The following NBEA variants were observed in gnomAD, a reference collection of about 807,000 sequenced individuals.
NBEA encodes lysosomal-trafficking regulator 2.
In NBEA, 44 loss-of-function variants were observed where a neutral mutation model predicts 343.4. The ratio of observed to expected loss-of-function variants is 0.13; its 90% CI spans 0.10 to 0.16. NBEA has a LOEUF of 0.16. Among genes scored for constraint, NBEA ranks in the 10% least tolerant of loss-of-function variants. NBEA has a pLI of 1.00. For missense variants in NBEA, 2,555 were observed against 3,631.3 expected, an observed-to-expected ratio of 0.70 and a Z score of 7.62; for synonymous variants, 1,175 against 1,238.7, an observed-to-expected ratio of 0.95 and a Z score of 1.08.
chr13:35,438,506 T>C (rs2045560631), intron 39 of NBEA, among the ~76,000 whole-genome samples: 1 of 152,230 alleles, frequency 6.6e-6, no homozygotes, highest in Non-Finnish European at 1.5e-5. Flanking sequence ...GAGAGATGAC[T>C]TGATTTTGTA....
intron 35 of NBEA, among the ~76,000 whole-genome samples, chr13:35,305,743 T>G (rs1222138749): frequency 6.6e-6 from 1 of 152,198 alleles, no homozygotes; most frequent in Non-Finnish European, 1.5e-5. Flanking sequence ...TTTAAGCCCC[T>G]GAGATTCGGG....
chr13:35,527,896 C>G (rs1189211881), intron 41 of NBEA, among the ~76,000 whole-genome samples: 4 of 152,206 alleles, frequency 2.6e-5, no homozygotes, highest in Non-Finnish European at 5.9e-5. Context: ...AGCAGCTGTT[C>G]TAGTCAGGCT....
At chr13:35,524,748 A>G (rs765451881) in intron 41 of NBEA, among the ~76,000 whole-genome samples, 5 of 152,238 alleles carry the variant, frequency 3.3e-5, no homozygotes, top group Non-Finnish European at 5.9e-5. Flanking sequence ...TTACTGATTT[A>G]TGTATCATAG....
intron 30 of NBEA, among the ~76,000 whole-genome samples, chr13:35,190,418 G>A (rs2072097051): frequency 6.6e-6 from 1 of 152,076 alleles, no homozygotes; most frequent in South Asian, 2.1e-4. Context: ...AGGAAGCGCA[G>A]GCTAAGAGAG....
In NBEA at chr13:35,641,665, A is replaced by C. The variant is rs1593446563; in HGVS notation, c.7618-4204A>C. On this transcript the variant is annotated intron_variant, in intron 49 of 58. Transcript: ENST00000379939. ...GAATAATTATTAGCTTGACAGGGTGATGGGGCTAGATAGGGGGAATAATTG... is the reference window on the plus strand; with the variant it reads ...GAATAATTATTAGCTTGACAGGGTGCTGGGGCTAGATAGGGGGAATAATTG... 2.0e-5 allele frequency among the ~76,000 whole-genome samples: 3 copies of C among 152,206 alleles called. No individual in the cohort carries two copies. In the South Asian group the frequency reaches 6.2e-4, roughly 32 times the overall value.
At chr13:35,495,629 A>G (rs938146065) in intron 41 of NBEA, among the ~76,000 whole-genome samples, 2 of 152,006 alleles carry the variant, frequency 1.3e-5, no homozygotes, top group Non-Finnish European at 2.9e-5. Flanking sequence ...GCACATCTGT[A>G]AATAGAAGAC....
intron 47 of NBEA, among the ~76,000 whole-genome samples, chr13:35,601,181 A>G (rs1436065592): frequency 4.7e-4 from 2 of 4,290 alleles, no homozygotes; most frequent in Non-Finnish European, 6.4e-3. Context: ...CATCTCAACA[A>G]AAAAAAAAAA....
intron 1 of NBEA, among the ~76,000 whole-genome samples, chr13:35,017,754 C>T (rs2061704264): frequency 6.6e-6 from 1 of 151,996 alleles, no homozygotes; most frequent in South Asian, 2.1e-4. Flanking sequence ...TCCGGTTTGT[C>T]TTTCCATTTT....
chr13:35,629,120 C>G (rs2083349046), intron 49 of NBEA, among the ~76,000 whole-genome samples: 1 of 152,052 alleles, frequency 6.6e-6, no homozygotes, highest in South Asian at 2.1e-4. Context: ...TAAAATATTA[C>G]TTAAATCATT....
chr13:35,531,935 C>T (rs2078284010), intron 41 of NBEA, among the ~76,000 whole-genome samples: 1 of 152,118 alleles, frequency 6.6e-6, no homozygotes, highest in African/African-American at 2.4e-5. Flanking sequence ...AAAGCACTTT[C>T]ATCTTTTTAT....
chr13:35,471,388 C>T (rs115554831), intron 40 of NBEA, among the ~76,000 whole-genome samples: 1,810 of 152,268 alleles, frequency 0.012, 34 homozygotes, highest in African/African-American at 0.042. Flanking sequence ...GTTATTGTGA[C>T]GCATCTGACT....
At chr13:35,069,099 C>T (rs1237843183) in intron 8 of NBEA, among the ~76,000 whole-genome samples, 1 of 152,144 alleles carries the variant, frequency 6.6e-6, no homozygotes, top group African/African-American at 2.4e-5. Flanking sequence ...ATTTCACTAT[C>T]GAAACATTGA....
chr13:34,988,186 C>T (rs183564972), intron 1 of NBEA, among the ~76,000 whole-genome samples: 10 of 151,026 alleles, frequency 6.6e-5, no homozygotes, highest in African/African-American at 1.4e-4. Flanking sequence ...GAGGGTTACC[C>T]GCCTGTTTGA....
At chr13:35,047,571 A>G (rs1426660519) in intron 4 of NBEA, among the ~76,000 whole-genome samples, 1 of 151,946 alleles carries the variant, frequency 6.6e-6, no homozygotes, top group Non-Finnish European at 1.5e-5. Context: ...AACATGATGT[A>G]TAGGAAGAGG....
chr13:35,035,180 T>C, intron 1 of NBEA, among the ~76,000 whole-genome samples: 1 of 151,908 alleles, frequency 6.6e-6, no homozygotes, highest in South Asian at 2.1e-4. Context: ...TAGTACTGCT[T>C]TTGTTGTATC....
intron 48 of NBEA, among the ~76,000 whole-genome samples, chr13:35,610,106 T>A (rs961293936): frequency 6.6e-6 from 1 of 152,236 alleles, no homozygotes. Flanking sequence ...CTCCTTTTTG[T>A]CTTCCTCTCT....
At chr13:35,389,311 A>G (rs982552452) in intron 38 of NBEA, among the ~76,000 whole-genome samples, 10 of 152,106 alleles carry the variant, frequency 6.6e-5, no homozygotes, top group African/African-American at 2.4e-4. Context: ...GGAAAATAAT[A>G]CTTCCTTAAA....
chr13:35,074,282 T>C (rs1421216310), intron 10 of NBEA, among the ~76,000 whole-genome samples: 1 of 152,172 alleles, frequency 6.6e-6, no homozygotes, highest in African/African-American at 2.4e-5. Context: ...CATATTCTTA[T>C]TGAGTACATG....
chr13:35,344,550 A>G (rs1400670932), intron 36 of NBEA, among the ~76,000 whole-genome samples: 1 of 152,034 alleles, frequency 6.6e-6, no homozygotes, highest in African/African-American at 2.4e-5. Flanking sequence ...AACAACACAA[A>G]TAGTGAACAT....
Sources: allele counts gnomAD v4.1 joint callset (sites outside exome capture counted in the v4.1 genomes callset), GRCh38; gene constraint gnomAD v4.1.1; transcripts MANE v1.5; gene names NCBI Gene and HGNC (gene_info 2026-07-23, HGNC 2026-07-21).